RLN2: variants seen among roughly 807,000 people sequenced by gnomAD.
RLN2 encodes relaxin 2, also known as prorelaxin H2.
Under a neutral mutation model 7.3 loss-of-function variants are expected in RLN2, and 10 were observed. The observed-to-expected ratio is 1.36, with a 90% CI of 0.84 to 2.31. The LOEUF (loss-of-function observed/expected upper bound fraction) is 2.31. Ranked by LOEUF, RLN2 falls within the 30% of genes most tolerant of loss-of-function variation. RLN2 has a pLI of 0.00. For missense variants in RLN2, 298 were observed against 217.6 expected (o/e 1.37, Z -2.32); for synonymous variants, 103 against 82.3 (o/e 1.25, Z -1.36).
At chr9:5,316,435 C>T in the RLN2 span, among the ~76,000 whole-genome samples, 1 of 151,930 alleles carries the variant, frequency 6.6e-6, no homozygotes, top group Non-Finnish European at 1.5e-5. Flanking sequence ...ATGCTATCCT[C>T]CCACTAGCCC....
the RLN2 span, among the ~76,000 whole-genome samples, chr9:5,328,558 G>C: frequency 6.6e-6 from 1 of 151,918 alleles, no homozygotes; most frequent in African/African-American, 2.4e-5. Flanking sequence ...GAAATACAGA[G>C]ACCACCACAA....
Position 5,300,066 on chromosome 9 carries a change from T to C in RLN2, c.*32A>G, listed in dbSNP as rs1790783310. 7.5e-7 allele frequency: 1 copy of C among 1,333,138 alleles called. No individual in the cohort carries two copies. The highest frequency in any genetic ancestry group is 1.0e-6 in the Non-Finnish European group (1 of 953,576). The allele number at this position is 1,333,138 out of a possible 1,614,324, so 82.6% of individuals were successfully genotyped here. ...AAATGTCATTAAGAATATGTGTGAA[T>C]ATTATACGAGATGTGCACAATTAGC... On this transcript the variant is annotated 3_prime_UTR_variant, in exon 2 of 2. Transcript: ENST00000381627.
At chr9:5,310,375 CTGT>C in the RLN2 span, among the ~76,000 whole-genome samples, 1 of 151,958 alleles carries the variant, frequency 6.6e-6, no homozygotes, top group Non-Finnish European at 1.5e-5. Context: ...CCCTTCCTCC[CTGT>C]ACCTCTCCCC....
chr9:5,326,139 A>C, the RLN2 span, among the ~76,000 whole-genome samples: 1 of 152,266 alleles, frequency 6.6e-6, no homozygotes, highest in South Asian at 2.1e-4. Context: ...CAATTATTTT[A>C]AAATGGACCT....
upstream of RLN2, chr9:5,304,932 T>G (rs1216329680): frequency 1.8e-5 from 4 of 225,872 alleles, no homozygotes; most frequent in Admixed American, 1.5e-4. Context: ...ATTTTAGATA[T>G]GAAGCCTTTC....
chr9:5,317,005 C>T, the RLN2 span, among the ~76,000 whole-genome samples: 1 of 151,874 alleles, frequency 6.6e-6, no homozygotes, highest in African/African-American at 2.4e-5. Flanking sequence ...GCTATCAACA[C>T]AAAAGAGTCT....
In RLN2 at chr9:5,300,093, T is replaced by C; in HGVS notation, c.*5A>G. The C allele has an allele frequency of 6.4e-7, 1 of 1,569,676 alleles. No homozygotes were observed. The highest frequency in any genetic ancestry group is 1.2e-5 in the South Asian group (1 of 85,558). On this transcript the variant is annotated 3_prime_UTR_variant, in exon 2 of 2. Coordinates refer to ENST00000381627, the MANE Select transcript of RLN2 (RefSeq NM_134441.3). ...TTATACGAGATGTGCACAATTAGCT[T>C]CATCTCAGCAAAATCTAGCAAGAGA...
the RLN2 span, among the ~76,000 whole-genome samples, chr9:5,318,458 A>G: frequency 6.6e-6 from 1 of 151,984 alleles, no homozygotes; most frequent in Non-Finnish European, 1.5e-5. Flanking sequence ...CAGTTAAATG[A>G]TGCTGTAAAA....
At chr9:5,335,389 G>T in the RLN2 span, 1 of 1,613,552 alleles carries the variant, frequency 6.2e-7, no homozygotes. Context: ...TGCTGTCTGC[G>T]GCTTCACTTT....
chr9:5,328,463 T>A, the RLN2 span, among the ~76,000 whole-genome samples: 1 of 151,904 alleles, frequency 6.6e-6, no homozygotes, highest in Admixed American at 6.6e-5. Flanking sequence ...ACGGGGAGAA[T>A]GGAACCAAGT....
At chr9:5,318,425 T>C in the RLN2 span, among the ~76,000 whole-genome samples, 1 of 151,942 alleles carries the variant, frequency 6.6e-6, no homozygotes, top group African/African-American at 2.4e-5. Flanking sequence ...GTGAAATATG[T>C]GGATTTTTAA....
chr9:5,319,652 A>C, the RLN2 span, among the ~76,000 whole-genome samples: 2 of 151,994 alleles, frequency 1.3e-5, no homozygotes, highest in Non-Finnish European at 2.9e-5. Context: ...CATTAGTCAA[A>C]GGCATGATGT....
chr9:5,305,554 T>TA (rs963779904), upstream of RLN2, among the ~76,000 whole-genome samples: 61 of 152,060 alleles, frequency 4.0e-4, 1 homozygote, highest in African/African-American at 1.4e-3. Flanking sequence ...GGTGATTTTT[T>TA]ACCATCATTT....
At chr9:5,326,184 A>G in the RLN2 span, among the ~76,000 whole-genome samples, 12 of 152,240 alleles carry the variant, frequency 7.9e-5, no homozygotes, top group Admixed American at 5.2e-4. Context: ...GTTTCTGTTA[A>G]ATTTTTTAAA....
the RLN2 span, among the ~76,000 whole-genome samples, chr9:5,321,945 T>A: frequency 2.6e-5 from 4 of 152,066 alleles, no homozygotes; most frequent in Non-Finnish European, 5.9e-5. Flanking sequence ...ATGGTCACTT[T>A]CTTCTCCTCC....
chr9:5,329,208 C>A, the RLN2 span, among the ~76,000 whole-genome samples: 1 of 146,102 alleles, frequency 6.8e-6, no homozygotes, highest in Admixed American at 7.1e-5. Flanking sequence ...GAGGCTGAGG[C>A]AGGAGAATGG....
Position 5,300,237 on chromosome 9 carries a change from G to A in RLN2, c.419C>T (p.Ala140Val), listed in dbSNP as rs1203886592. 3 of 1,613,944 alleles carry A rather than the reference G, an allele frequency of 1.9e-6. No individual in the cohort carries two copies. The highest frequency in any genetic ancestry group is 3.3e-5 in the Admixed American group (2 of 60,018). Residue 140 changes from alanine (A) to valine (V), a missense_variant, in exon 2 of 2, where the codon GCC (alanine) becomes GTC (valine). Coordinates refer to ENST00000381627, the MANE Select transcript of RLN2 (RefSeq NM_134441.3). ...KKLIRNRQSE[A>V]ADSSPSELKY... ...TAATTCTGAAGGACTGCTGTCTGCG[G>A]CTTCACTTTGTCTATTGCGAATAAG...
chr9:5,324,291 C>T, the RLN2 span, among the ~76,000 whole-genome samples: 1 of 151,918 alleles, frequency 6.6e-6, no homozygotes, highest in Non-Finnish European at 1.5e-5. Flanking sequence ...TACGCATAAT[C>T]CCCACTCAAT....
At position 5,304,502 on chromosome 9, in the gene RLN2, A is replaced by C. The variant is rs139696124; in HGVS notation, c.79T>G (p.Trp27Gly). The C allele has an allele frequency of 1.9e-6, 3 of 1,613,698 alleles. No homozygotes were observed. Among genetic ancestry groups the C allele is most frequent in the African/African-American group, 2.7e-5 (2 of 74,776 alleles). ...NQFSRAVADS[W>G]MEEVIKLCGR... Reference sequence around the variant, plus strand: ...CATAATTTAATAACTTCCTCCATCCATGAGTCCGCGACTGCTCTGGAAAAT... The same window carrying C: ...CATAATTTAATAACTTCCTCCATCCCTGAGTCCGCGACTGCTCTGGAAAAT... Residue 27 changes from tryptophan (W) to glycine (G), a missense_variant, in exon 1 of 2, where the codon TGG becomes GGG. Trp to Gly is a radical substitution (Grantham distance 184). Transcript: ENST00000381627.
Sources: allele counts gnomAD v4.1 joint callset (sites outside exome capture counted in the v4.1 genomes callset), GRCh38; gene constraint gnomAD v4.1.1; transcripts MANE v1.5; gene names NCBI Gene and HGNC (gene_info 2026-07-23, HGNC 2026-07-21).